The following LOXL3 variants were observed in gnomAD, a reference collection of about 807,000 sequenced individuals.
LOXL3 encodes lysyl oxidase homolog 3.
A neutral mutation model predicts 91.8 loss-of-function variants in LOXL3; 60 were observed. The ratio of observed to expected loss-of-function variants is 0.65; its 90% CI spans 0.53 to 0.81. The LOEUF is 0.81. Ranked by LOEUF, LOXL3 falls within the 30% of genes least tolerant of loss-of-function variation. The probability of loss-of-function intolerance (pLI) is 0.00; values close to 1 mark genes in which losing one functional copy is unlikely to be tolerated. For synonymous variants in LOXL3, 355 were observed against 387.6 expected (o/e 0.92, Z 0.99); for missense variants, 874 against 1,000.4 (o/e 0.87, Z 1.70).
upstream of LOXL3, chr2:74,554,873 G>T: frequency 6.2e-7 from 1 of 1,603,708 alleles, no homozygotes; most frequent in Non-Finnish European, 8.5e-7. This position sits in a 1 kb window ranked among gnomAD's most constrained non-coding sequence, Gnocchi z 4.9. Context: ...AGAGAGCCCA[G>T]AAACAGGGAG....
intron 2 of LOXL3, 84 bp downstream of exon 2, chr2:74,552,238 T>C (rs763962111): frequency 1.9e-5 from 25 of 1,302,324 alleles, no homozygotes; most frequent in East Asian, 9.4e-5. Flanking sequence ...TGTGTCCCTA[T>C]GGCTGTGCCA....
chr2:74,543,899 T>TAAAAAAAAAAA (rs1352260802), intron 4 of LOXL3, among the ~76,000 whole-genome samples: 2 of 49,318 alleles, frequency 4.1e-5, no homozygotes, highest in African/African-American at 2.5e-4. Context: ...AGGCTCTGTC[T>TAAAAAAAAAAA]CAAAAAAAAA....
At chr2:74,543,998 C>A (rs1314452766) in intron 4 of LOXL3, among the ~76,000 whole-genome samples, 1 of 151,244 alleles carries the variant, frequency 6.6e-6, no homozygotes, top group African/African-American at 2.4e-5. Context: ...CATCTCATAG[C>A]CCTCCCCATT....
upstream of LOXL3, chr2:74,554,453 G>A (rs1306685972): frequency 4.1e-6 from 2 of 482,850 alleles, no homozygotes; most frequent in Non-Finnish European, 7.4e-6. This position sits in a 1 kb window ranked among gnomAD's most constrained non-coding sequence, Gnocchi z 4.9. Flanking sequence ...TTGGGCATAT[G>A]ACGTCACGCG....
chr2:74,536,196 T>G lies in LOXL3; in HGVS notation c.1094-46A>C. 1.2e-6 allele frequency: 2 copies of G among 1,612,094 alleles called. No homozygotes were observed. The highest frequency in any genetic ancestry group is 2.2e-5 in the South Asian group (2 of 91,074). On this transcript the variant is annotated intron_variant, in intron 6 of 13. Transcript: ENST00000264094. This position sits in a 1 kb window ranked among gnomAD's most constrained non-coding sequence, Gnocchi z 4.5. ...TCAGGAAGTTGTAATTAAGCATATATTGTCTGCCCAGGGGACACCTAACCT... is the reference window on the plus strand; with the variant it reads ...TCAGGAAGTTGTAATTAAGCATATAGTGTCTGCCCAGGGGACACCTAACCT...
At position 74,533,974 on chromosome 2, in the gene LOXL3, A is replaced by G. The variant is rs1675823128; in HGVS notation, c.2096T>C (p.Phe699Ser). ...YILQVVINPN[F>S]EVAESDFTNN... Reference sequence around the variant, plus strand: ...GGTAAAGTCACTCTCTGCTACTTCAAAGTTTGGGTTGATGACAACCTGTGA... The same window carrying G: ...GGTAAAGTCACTCTCTGCTACTTCAGAGTTTGGGTTGATGACAACCTGTGA... Residue 699 changes from phenylalanine (F) to serine (S), a missense_variant, in exon 13 of 14, where the codon TTT becomes TCT. Transcript: ENST00000264094. 1 of 1,614,054 alleles carries G rather than the reference A, an allele frequency of 6.2e-7. No homozygotes were observed. Among genetic ancestry groups the G allele is most frequent in the Non-Finnish European group, 8.5e-7 (1 of 1,179,972 alleles).
chr2:74,549,141 G>C lies in LOXL3; in HGVS notation c.692+228C>G, dbSNP rs1017366612. On this transcript the variant is annotated intron_variant, in intron 4 of 13. Transcript: ENST00000264094. This position sits in a 1 kb window ranked among gnomAD's most constrained non-coding sequence, Gnocchi z 5.3. ...CTGCCCGCCCAGGCGTCGGCCACGA[G>C]AGAGCGGGAGCCTCGCTGGTCCCCA... is the stretch of plus-strand genomic sequence containing the variant. 41 of 420,538 alleles carry C rather than the reference G, an allele frequency of 9.7e-5. No homozygotes were observed. Among genetic ancestry groups the C allele is most frequent in the African/African-American group, 4.7e-4 (23 of 48,678 alleles). The allele number at this position is 420,538 out of a possible 1,614,324, so 26.1% of individuals were successfully genotyped here. A position where few individuals can be genotyped will look rare whatever the true frequency, so the allele number is the denominator to read the frequency against.
At chr2:74,539,470 G>A (rs993592367) in intron 4 of LOXL3, among the ~76,000 whole-genome samples, 2 of 152,084 alleles carry the variant, frequency 1.3e-5, no homozygotes, top group Non-Finnish European at 2.9e-5. Flanking sequence ...ATGGGAATGT[G>A]GGTGAACTAA....
upstream of LOXL3, chr2:74,555,110 C>T (rs1677331280): frequency 6.4e-7 from 1 of 1,570,874 alleles, no homozygotes; most frequent in Non-Finnish European, 8.6e-7. The surrounding 1 kb of genome is among the most constrained non-coding windows in gnomAD (Gnocchi z 6.1). Context: ...CCCGGGCCGC[C>T]TGCGCACGCC....
chr2:74,550,937 T>G (rs1676967029), intron 2 of LOXL3, among the ~76,000 whole-genome samples: 1 of 151,686 alleles, frequency 6.6e-6, no homozygotes, highest in Non-Finnish European at 1.5e-5. Flanking sequence ...GAAACCTGTT[T>G]TTTTTTTTTT....
rs1376599265 is a variant in LOXL3 at position 74,534,120 on chromosome 2, G to C, written c.2056C>G (p.Pro686Ala). Residue 686 changes from proline to alanine, a missense_variant, in exon 12 of 14, where the codon CCA (proline) becomes GCA (alanine). Transcript: ENST00000264094. ...GGTACCTGGAGAATGTAGTTTCCTG[G>C]CTTCACATCCGTGATGTCAATCCAC... ...CQWIDITDVKPGNYILQVVIN... is the reference protein window; with the variant it reads ...CQWIDITDVKAGNYILQVVIN... 1 of 1,614,112 alleles carries C rather than the reference G, an allele frequency of 6.2e-7. No homozygotes were observed. The highest frequency in any genetic ancestry group is 2.2e-5 in the East Asian group (1 of 44,866).
upstream of LOXL3, chr2:74,555,453 G>C: frequency 6.2e-7 from 1 of 1,608,894 alleles, no homozygotes; most frequent in Non-Finnish European, 8.5e-7. This position sits in a 1 kb window ranked among gnomAD's most constrained non-coding sequence, Gnocchi z 6.1. Flanking sequence ...ACGCCTTTCC[G>C]GTGAGGAGCT....
intron 4 of LOXL3, among the ~76,000 whole-genome samples, chr2:74,547,926 CAG>C (rs1676703250): frequency 6.6e-6 from 1 of 152,112 alleles, no homozygotes; most frequent in African/African-American, 2.4e-5. Context: ...CAAAAACTAA[CAG>C]AATCTCCCAT....
At position 74,552,464 on chromosome 2, in the gene LOXL3, G is replaced by T; in HGVS notation, c.171C>A (p.Arg57=). 6.2e-7 allele frequency: 1 copy of T among 1,613,754 alleles called. No individual in the cohort carries two copies. The highest frequency in any genetic ancestry group is 8.5e-7 in the Non-Finnish European group (1 of 1,179,916). Residue 57 remains arginine, a synonymous_variant, in exon 2 of 14, where the codon CGC becomes CGA. Coordinates refer to ENST00000264094, the MANE Select transcript of LOXL3 (RefSeq NM_032603.5). The part of the protein sequence containing the change: ...AGFPRKPYEG[R]VEIQRAGEWG... ...ATTCACCAGCTCGCTGTATCTCCACGCGGCCCTCGTAGGGCTTCCTGGGGA... is the reference window on the plus strand; with the variant it reads ...ATTCACCAGCTCGCTGTATCTCCACTCGGCCCTCGTAGGGCTTCCTGGGGA...
chr2:74,555,289 C>T, upstream of LOXL3: 1 of 1,614,108 alleles, frequency 6.2e-7, no homozygotes, highest in Non-Finnish European at 8.5e-7. The surrounding 1 kb of genome is among the most constrained non-coding windows in gnomAD (Gnocchi z 6.1). Context: ...CAAAGTGATC[C>T]GTCTGGCTGA....
Position 74,532,811 on chromosome 2 carries a change from T to C in LOXL3, c.*795A>G, listed in dbSNP as rs1332687533. ...TCCTTCCTTTCTCTCTGTCCATTTTTCTCTATAGGGCTGGTCTGCGGCCTG... is the reference window on the plus strand; with the variant it reads ...TCCTTCCTTTCTCTCTGTCCATTTTCCTCTATAGGGCTGGTCTGCGGCCTG... On this transcript the variant is annotated 3_prime_UTR_variant, in exon 14 of 14. Coordinates refer to ENST00000264094, the MANE Select transcript of LOXL3 (RefSeq NM_032603.5). 3 of 1,614,102 alleles carry C rather than the reference T, an allele frequency of 1.9e-6. No homozygotes were observed. The highest frequency in any genetic ancestry group is 2.5e-6 in the Non-Finnish European group (3 of 1,180,030).
rs1273483097 is a variant in LOXL3 at position 74,532,728 on chromosome 2, T to A, written c.*878A>T. On this transcript the variant is annotated 3_prime_UTR_variant, in exon 14 of 14. Transcript: ENST00000264094. ...CCCTGCACACCGGTGAGGGAGAGGC[T>A]GCAGTGTGATATGGGGATGGGCAAG... 2.5e-6 allele frequency: 4 copies of A among 1,612,744 alleles called. No homozygotes were observed. Among genetic ancestry groups the A allele is most frequent in the African/African-American group, 1.3e-5 (1 of 74,876 alleles).
At position 74,533,206 on chromosome 2, in the gene LOXL3, CT is replaced by C. The variant is rs1217723858; in HGVS notation, c.*399del. ...TATAGTAAAAAATGAGGTGGGAGGG[CT>C]GGATCTTTTCCCCCACCAAAAGGCT... On this transcript the variant is annotated 3_prime_UTR_variant, in exon 14 of 14. Transcript: ENST00000264094. The C allele has an allele frequency of 3.4e-6, 2 of 581,110 alleles. No individual in the cohort carries two copies. Among genetic ancestry groups the C allele is most frequent in the African/African-American group, 3.7e-5 (2 of 53,498 alleles). The allele number at this position is 581,110 out of a possible 1,614,324, so 36.0% of individuals were successfully genotyped here. A position where few individuals can be genotyped will look rare whatever the true frequency, so the allele number is the denominator to read the frequency against.
chr2:74,555,640 G>C, upstream of LOXL3: 1 of 1,614,132 alleles, frequency 6.2e-7, no homozygotes, highest in Non-Finnish European at 8.5e-7. This position sits in a 1 kb window ranked among gnomAD's most constrained non-coding sequence, Gnocchi z 6.1. Flanking sequence ...AGATGCTGGA[G>C]AACTCCTTGT....
Sources: allele counts gnomAD v4.1 joint callset (sites outside exome capture counted in the v4.1 genomes callset), GRCh38; gene constraint gnomAD v4.1.1; non-coding constraint Gnocchi (gnomAD v3.1); transcripts MANE v1.5; gene names NCBI Gene and HGNC (gene_info 2026-07-23, HGNC 2026-07-21).